Variants in MGAT4C observed in about 807,000 individuals in gnomAD.
MGAT4C encodes alpha-1,3-mannosyl-glycoprotein 4-beta-N-acetylglucosaminyltransferase C.
Under a neutral mutation model 40.1 loss-of-function variants are expected in MGAT4C, and 19 were observed. The ratio of observed to expected loss-of-function variants is 0.47; its 90% CI spans 0.33 to 0.70. The LOEUF (loss-of-function observed/expected upper bound fraction) is 0.70. Among genes scored for constraint, MGAT4C ranks in the 30% least tolerant of loss-of-function variants. The pLI, the probability that MGAT4C is intolerant of heterozygous loss-of-function variation, is 0.02. For missense variants in MGAT4C, 491 were observed against 563.2 expected (o/e 0.87, Z 1.30); for synonymous variants, 181 against 187.1 (o/e 0.97, Z 0.27).
chr12:86,337,580 T>C (rs1954816323), intron 3 of MGAT4C, among the ~76,000 whole-genome samples: 1 of 143,744 alleles, frequency 7.0e-6, no homozygotes. Flanking sequence ...GAATGAAATC[T>C]TGTCTCAAAA....
chr12:86,709,022 A>G (rs1443854608), intron 2 of MGAT4C, among the ~76,000 whole-genome samples: 1 of 152,150 alleles, frequency 6.6e-6, no homozygotes, highest in Non-Finnish European at 1.5e-5. Context: ...ATGTGAGGAC[A>G]TGAGATTTGG....
chr12:86,283,362 A>G (rs933054241), intron 4 of MGAT4C, among the ~76,000 whole-genome samples: 4 of 152,012 alleles, frequency 2.6e-5, no homozygotes, highest in East Asian at 3.9e-4. Context: ...TGTCATGGAC[A>G]TAAGTGGAAA....
intron 1 of MGAT4C, among the ~76,000 whole-genome samples, chr12:86,776,948 A>G (rs1951757609): frequency 6.6e-6 from 1 of 152,180 alleles, no homozygotes; most frequent in South Asian, 2.1e-4. Flanking sequence ...TTTAAAAATC[A>G]TCTATTTGAC....
intron 4 of MGAT4C, among the ~76,000 whole-genome samples, chr12:86,315,097 A>G (rs1044679268): frequency 6.6e-6 from 1 of 152,186 alleles, no homozygotes; most frequent in Admixed American, 6.5e-5. Context: ...GACTCACATT[A>G]TACTACTTCA....
At chr12:86,096,097 T>C (rs914121720) in intron 1 of MGAT4C, among the ~76,000 whole-genome samples, 7 of 151,804 alleles carry the variant, frequency 4.6e-5, no homozygotes, top group African/African-American at 1.7e-4. Flanking sequence ...AATATATTAC[T>C]CCATTGTTTC....
intron 3 of MGAT4C, among the ~76,000 whole-genome samples, chr12:86,412,356 T>C (rs993800656): frequency 6.6e-6 from 1 of 152,162 alleles, no homozygotes; most frequent in African/African-American, 2.4e-5. Flanking sequence ...GGCTGAGCCA[T>C]GTAGAACCAA....
At chr12:86,621,760 G>A (rs961489010) in intron 2 of MGAT4C, among the ~76,000 whole-genome samples, 1 of 152,180 alleles carries the variant, frequency 6.6e-6, no homozygotes, top group African/African-American at 2.4e-5. Flanking sequence ...TTCCAGGCAT[G>A]AGCCACTGTG....
intron 1 of MGAT4C, among the ~76,000 whole-genome samples, chr12:86,807,836 G>A (rs1210444159): frequency 6.6e-6 from 1 of 152,014 alleles, no homozygotes. Flanking sequence ...GGCATGATAT[G>A]GTATCTCATT....
chr12:86,426,037 C>T (rs945633246), intron 3 of MGAT4C, among the ~76,000 whole-genome samples: 3 of 151,998 alleles, frequency 2.0e-5, no homozygotes, highest in African/African-American at 7.3e-5. Context: ...TAGAAGCAAA[C>T]TATGTTAATG....
At chr12:86,706,320 A>C (rs1326236065) in intron 2 of MGAT4C, among the ~76,000 whole-genome samples, 1 of 152,228 alleles carries the variant, frequency 6.6e-6, no homozygotes, top group East Asian at 1.9e-4. Context: ...TAAGAATATC[A>C]ATTCTGAGAA....
intron 2 of MGAT4C, among the ~76,000 whole-genome samples, chr12:86,697,517 A>G (rs1288012319): frequency 6.6e-6 from 1 of 152,100 alleles, no homozygotes; most frequent in Non-Finnish European, 1.5e-5. Flanking sequence ...AATAAAATTT[A>G]TCCAAGGTGT....
In MGAT4C at chr12:86,215,106, T is replaced by C. The variant is rs373513658; in HGVS notation, c.-57+41133A>G. 5.8e-4 allele frequency among the ~76,000 whole-genome samples: 78 copies of C among 135,528 alleles called. No individual in the cohort carries two copies. The South Asian group carries it at 0.02, about 34-fold the overall frequency. The allele number at this position is 135,528 out of a possible 152,430, so 88.9% of individuals were successfully genotyped here. A position where few individuals can be genotyped will look rare whatever the true frequency, so the allele number is the denominator to read the frequency against. ...AGTGATTATTTCCATAAGGATGCTG[T>C]AATTAACAAGACCCTCTTACAATGC... On this transcript the variant is annotated intron_variant, in intron 1 of 4. Coordinates refer to ENST00000611864, the MANE Select transcript of MGAT4C (RefSeq NM_001351288.2).
intron 2 of MGAT4C, among the ~76,000 whole-genome samples, chr12:86,528,592 G>C (rs1313631030): frequency 1.3e-5 from 2 of 151,838 alleles, no homozygotes; most frequent in Admixed American, 1.3e-4. Flanking sequence ...CTGATGACTG[G>C]TAGAAAATTA....
At chr12:86,288,516 T>A (rs1257873918) in intron 4 of MGAT4C, among the ~76,000 whole-genome samples, 1 of 152,186 alleles carries the variant, frequency 6.6e-6, no homozygotes, top group African/African-American at 2.4e-5. Context: ...CTTGAGTTAA[T>A]TTTTGTATAC....
chr12:86,035,795 G>A (rs113908618), intron 2 of MGAT4C, among the ~76,000 whole-genome samples: 1 of 149,920 alleles, frequency 6.7e-6, no homozygotes, highest in East Asian at 1.9e-4. Context: ...TTGTGCATAT[G>A]GCTAGCCAGT....
chr12:86,295,688 G>A (rs1225884752), intron 4 of MGAT4C, among the ~76,000 whole-genome samples: 2 of 152,090 alleles, frequency 1.3e-5, no homozygotes, highest in Admixed American at 1.3e-4. Flanking sequence ...TTTTGTCAGG[G>A]TGCTGATTGG....
At chr12:86,823,498 A>G (rs1952742779) in intron 1 of MGAT4C, among the ~76,000 whole-genome samples, 2 of 151,294 alleles carry the variant, frequency 1.3e-5, no homozygotes, top group African/African-American at 4.8e-5. Context: ...GGGCATAAAC[A>G]CAAATCAGAA....
chr12:86,292,249 T>C (rs751783868), intron 4 of MGAT4C, among the ~76,000 whole-genome samples: 2 of 152,030 alleles, frequency 1.3e-5, no homozygotes, highest in Non-Finnish European at 2.9e-5. Context: ...AGCAAAAATA[T>C]AATGAAAAAT....
At chr12:86,525,949 T>C (rs528750887) in intron 2 of MGAT4C, among the ~76,000 whole-genome samples, 49 of 152,308 alleles carry the variant, frequency 3.2e-4, no homozygotes, top group East Asian at 2.5e-3. Context: ...GCAGTGGCAA[T>C]GCAGCAGCAT....
Sources: allele counts gnomAD v4.1 joint callset (sites outside exome capture counted in the v4.1 genomes callset), GRCh38; gene constraint gnomAD v4.1.1; transcripts MANE v1.5; gene names NCBI Gene and HGNC (gene_info 2026-07-23, HGNC 2026-07-21).